The following ZNF385D variants were observed in gnomAD, a reference collection of about 807,000 sequenced individuals.
ZNF385D encodes the protein zinc finger protein 385D.
Under a neutral mutation model 35.8 loss-of-function variants are expected in ZNF385D, and 15 were observed. The ratio of observed to expected loss-of-function variants is 0.42; its 90% confidence interval spans 0.28 to 0.64. The LOEUF (loss-of-function observed/expected upper bound fraction) is 0.64, where lower values mean the gene tolerates loss of function less well. ZNF385D is among the 30% of genes least tolerant of loss of function. The pLI is 0.23. For missense variants in ZNF385D, 474 were observed against 494.6 expected (o/e 0.96, Z 0.39); for synonymous variants, 212 against 186.8 (o/e 1.13, Z -1.10).
intron 3 of ZNF385D, among the ~76,000 whole-genome samples, chr3:21,937,163 TTCAA>T (rs1261625691): frequency 6.6e-6 from 1 of 152,150 alleles, no homozygotes; most frequent in South Asian, 2.1e-4. Flanking sequence ...GTTCAAATAC[TTCAA>T]TCAAAGTATA....
intron 3 of ZNF385D, among the ~76,000 whole-genome samples, chr3:21,838,696 C>A (rs961616772): frequency 1.3e-5 from 2 of 151,986 alleles, no homozygotes; most frequent in African/African-American, 4.8e-5. Flanking sequence ...AGCTAGAAAC[C>A]CTGTTAATAA....
At chr3:22,273,769 C>A (rs150922911) in intron 2 of ZNF385D, among the ~76,000 whole-genome samples, 1 of 151,868 alleles carries the variant, frequency 6.6e-6, no homozygotes, top group Non-Finnish European at 1.5e-5. Flanking sequence ...CAAAACTATT[C>A]CACAGGATGA....
chr3:22,270,167 C>A (rs979896482), intron 2 of ZNF385D, among the ~76,000 whole-genome samples: 1 of 151,856 alleles, frequency 6.6e-6, no homozygotes, highest in Non-Finnish European at 1.5e-5. Context: ...ATTTATTTCC[C>A]CCTAGAAAAA....
intron 3 of ZNF385D, among the ~76,000 whole-genome samples, chr3:22,061,859 T>A (rs898892791): frequency 6.6e-6 from 1 of 152,194 alleles, no homozygotes. Flanking sequence ...TATTTGTTTA[T>A]TGATTGTCTC....
At chr3:21,613,795 A>T (rs2064759960) in intron 2 of ZNF385D, among the ~76,000 whole-genome samples, 1 of 152,238 alleles carries the variant, frequency 6.6e-6, no homozygotes, top group African/African-American at 2.4e-5. Flanking sequence ...CTTAATCCAC[A>T]GCTCAATTCC....
chr3:22,326,387 G>A (rs149913639), intron 2 of ZNF385D, among the ~76,000 whole-genome samples: 5 of 152,324 alleles, frequency 3.3e-5, no homozygotes, highest in African/African-American at 9.6e-5. Context: ...AAAGAAGCTC[G>A]TGGGGTGGGA....
At chr3:21,455,882 C>G (rs1029859697) in intron 4 of ZNF385D, among the ~76,000 whole-genome samples, 144 of 150,646 alleles carry the variant, frequency 9.6e-4, no homozygotes, top group African/African-American at 3.4e-3. Flanking sequence ...TGAACTCAAA[C>G]AAATTTACAA....
chr3:21,892,096 C>T (rs1427379773), intron 3 of ZNF385D, among the ~76,000 whole-genome samples: 1 of 152,082 alleles, frequency 6.6e-6, no homozygotes, highest in African/African-American at 2.4e-5. Flanking sequence ...AAAATTAACT[C>T]CCAATACTTG....
At position 21,895,018 on chromosome 3, in the gene ZNF385D, CCA is replaced by C. The variant is rs1044987401; in HGVS notation, c.326-229992_326-229991del. Among the ~76,000 whole-genome samples, 30 of 152,130 alleles carry C rather than the reference CCA, an allele frequency of 2.0e-4. 1 individual carries two copies. Among genetic ancestry groups the C allele is most frequent in the Admixed American group, 2.0e-3 (30 of 15,264 alleles). ...GCATGCATAAAGTGAAGTAGGAATA[CCA>C]CAGAGTAAATAGCAGATAGGCCAGG... On this transcript the variant is annotated intron_variant, in intron 3 of 5. Coordinates refer to the ZNF385D transcript ENST00000494108.
At chr3:21,881,607 C>T (rs1698279556) in intron 3 of ZNF385D, among the ~76,000 whole-genome samples, 1 of 151,978 alleles carries the variant, frequency 6.6e-6, no homozygotes, top group East Asian at 1.9e-4. Flanking sequence ...ACATAAGATG[C>T]ATTCTGCAAC....
intron 2 of ZNF385D, among the ~76,000 whole-genome samples, chr3:22,311,115 C>G (rs149146145): frequency 2.0e-5 from 3 of 151,482 alleles, no homozygotes; most frequent in Non-Finnish European, 4.4e-5. Context: ...ATCAGGGGTA[C>G]GACCAGAGAC....
At chr3:21,934,585 C>G (rs1701171507) in intron 3 of ZNF385D, among the ~76,000 whole-genome samples, 1 of 152,134 alleles carries the variant, frequency 6.6e-6, no homozygotes, top group Non-Finnish European at 1.5e-5. Context: ...ACTTCTAAGA[C>G]AAACTATTTA....
At chr3:21,735,210 T>C (rs1441659686) in intron 1 of ZNF385D, among the ~76,000 whole-genome samples, 1 of 152,186 alleles carries the variant, frequency 6.6e-6, no homozygotes, top group Non-Finnish European at 1.5e-5. Context: ...AGTAACTTAA[T>C]GTCAGTTTTT....
rs577110193 is a variant in ZNF385D at position 22,188,367 on chromosome 3, G to A, written c.107-19332C>T. ...TAATAGTCTTGCTTCACATGGGAAA[G>A]TGCATTGAAAGAAACACACTGATTC... is the stretch of plus-strand genomic sequence containing the variant. On this transcript the variant is annotated intron_variant, in intron 2 of 5. Coordinates refer to the ZNF385D transcript ENST00000494108. 2.7e-3 allele frequency among the ~76,000 whole-genome samples: 407 copies of A among 152,204 alleles called. 2 individuals carry two copies. The highest frequency in any genetic ancestry group is 8.3e-3 in the African/African-American group (343 of 41,544).
chr3:21,835,561 G>T (rs1168961724), intron 3 of ZNF385D, among the ~76,000 whole-genome samples: 2 of 151,612 alleles, frequency 1.3e-5, no homozygotes, highest in Admixed American at 6.6e-5. Flanking sequence ...GTTCACTAAG[G>T]ATAAAGGCAC....
Position 21,441,752 on chromosome 3 carries a change from A to T in ZNF385D, c.440-4549T>A, listed in dbSNP as rs989141324. On this transcript the variant is annotated intron_variant, in intron 4 of 7. Transcript: ENST00000281523. ...GCACCTTTTTTTCCCCCTGCAAAAG[A>T]TGAGAAAGTAGGAAAACGATTCGCT... 1.0e-5 allele frequency: 10 copies of T among 985,176 alleles called. No homozygotes were observed. The African/African-American group carries it at 1.7e-4, about 17-fold the overall frequency. 61.0% of individuals were successfully genotyped at this position (985,176 alleles called of 1,614,324 possible). A position where few individuals can be genotyped will look rare whatever the true frequency, so the allele number is the denominator to read the frequency against.
Position 22,059,207 on chromosome 3 carries a change from A to G in ZNF385D, c.325+109610T>C, listed in dbSNP as rs533459983. On this transcript the variant is annotated intron_variant, in intron 3 of 5. Transcript: ENST00000494108. Reference sequence around the variant, plus strand: ...GCCCTCTGGTCAGGACTGAGCATTAATTTAAAGACTTCTCATTCAGTGACA... The same window carrying G: ...GCCCTCTGGTCAGGACTGAGCATTAGTTTAAAGACTTCTCATTCAGTGACA... Among the ~76,000 whole-genome samples the G allele has an allele frequency of 8.1e-4, 124 of 152,250 alleles. 2 individuals carry two copies. Among genetic ancestry groups the G allele is most frequent in the Admixed American group, 3.3e-3 (50 of 15,290 alleles).
chr3:21,751,736 G>A (rs1359456155), upstream of ZNF385D, among the ~76,000 whole-genome samples: 1 of 152,030 alleles, frequency 6.6e-6, no homozygotes, highest in Non-Finnish European at 1.5e-5. Flanking sequence ...GCTAGTACTT[G>A]GTGAAGTGTA....
chr3:21,752,007 A>ACCC (rs71044940), upstream of ZNF385D, among the ~76,000 whole-genome samples: 89 of 88,504 alleles, frequency 1.0e-3, no homozygotes, highest in South Asian at 1.5e-3. Context: ...ACACACACCC[A>ACCC]CCCCCCTCCC....
Sources: gnomAD v4.1 joint callset for allele counts (sites outside exome capture counted in the v4.1 genomes callset) on GRCh38, gnomAD v4.1.1 for gene constraint, MANE v1.5 for transcripts, NCBI Gene and HGNC (gene_info 2026-07-23, HGNC 2026-07-21) for gene names.